DCLK2: variants seen among roughly 807,000 people sequenced by gnomAD.
The protein encoded by DCLK2 is serine/threonine-protein kinase DCLK2.
DCLK2 carries 31 observed loss-of-function variants against 78.4 expected under a neutral mutation model. The observed-to-expected ratio is 0.40, with a 90% CI of 0.30 to 0.53. DCLK2 has a LOEUF of 0.53. Among genes scored for constraint, DCLK2 ranks in the 20% least tolerant of loss-of-function variants. The pLI is 0.61. For missense variants in DCLK2, 872 were observed against 973.7 expected, an observed-to-expected ratio of 0.90 and a Z score of 1.39; for synonymous variants, 407 against 374.9, an observed-to-expected ratio of 1.09 and a Z score of -0.99.
At chr4:150,110,467 T>C (rs1356137987) in intron 2 of DCLK2, among the ~76,000 whole-genome samples, 1 of 58,164 alleles carries the variant, frequency 1.7e-5, no homozygotes, top group East Asian at 2.7e-4. Flanking sequence ...ATGTTAGTGC[T>C]TTTTTTTTTA....
At chr4:150,100,969 G>A (rs1730848007) in intron 1 of DCLK2, among the ~76,000 whole-genome samples, 1 of 151,962 alleles carries the variant, frequency 6.6e-6, no homozygotes, top group East Asian at 1.9e-4. Flanking sequence ...GCCATTCTTG[G>A]GGCCAGGCAT....
intron 3 of DCLK2, among the ~76,000 whole-genome samples, chr4:150,193,540 G>A (rs1306211116): frequency 6.6e-6 from 1 of 152,326 alleles, no homozygotes; most frequent in Non-Finnish European, 1.5e-5. Flanking sequence ...TTGCCACTGA[G>A]ATGTTCCATG....
Position 150,102,593 on chromosome 4 carries a change from T to G in DCLK2, c.537T>G (p.Ala179=), listed in dbSNP as rs766345205. Residue 179 remains alanine, a synonymous_variant, in exon 2 of 16, where the codon GCT becomes GCG. Transcript: ENST00000296550. The part of the protein sequence containing the change: ...IKGGTSRALA[A]ASSVKSEVKE... ...GTGGGACATCCCGAGCGCTGGCTGC[T>G]GCCTCCTCTGTGAAAAGTGAAGTAA... The G allele has an allele frequency of 4.3e-6, 7 of 1,614,086 alleles. No individual in the cohort carries two copies. Among genetic ancestry groups the G allele is most frequent in the Non-Finnish European group, 1.7e-6 (2 of 1,180,032 alleles).
intron 2 of DCLK2, among the ~76,000 whole-genome samples, chr4:150,179,287 C>A (rs893077951): frequency 6.6e-6 from 1 of 152,144 alleles, no homozygotes; most frequent in Admixed American, 6.5e-5. Flanking sequence ...CTCGGCCTCC[C>A]AAAGTGATGA....
At chr4:150,175,011 A>ATATATATATATATATATATAT (rs1553964170) in intron 2 of DCLK2, among the ~76,000 whole-genome samples, 1 of 9,974 alleles carries the variant, frequency 1.0e-4, no homozygotes, top group African/African-American at 2.6e-4. Flanking sequence ...AAAAAAAAAA[A>ATATATATATATATATATATAT]ATATATATAT....
intron 2 of DCLK2, among the ~76,000 whole-genome samples, chr4:150,192,511 C>T (rs1056145846): frequency 3.4e-5 from 5 of 148,118 alleles, no homozygotes; most frequent in African/African-American, 1.0e-4. Flanking sequence ...GAAATTGAGA[C>T]CACATATTTA....
intron 5 of DCLK2, among the ~76,000 whole-genome samples, chr4:150,208,283 GT>G (rs1740000190): frequency 6.6e-6 from 1 of 152,174 alleles, no homozygotes; most frequent in African/African-American, 2.4e-5. Flanking sequence ...GGTCATAAAA[GT>G]TTTGGTCATA....
At chr4:150,179,824 T>A (rs1211592420) in intron 2 of DCLK2, among the ~76,000 whole-genome samples, 1 of 152,308 alleles carries the variant, frequency 6.6e-6, no homozygotes, top group East Asian at 1.9e-4. Flanking sequence ...GGGTTTGTAA[T>A]TTGTTTTTAA....
chr4:150,210,816 C>CA (rs1426594933), intron 5 of DCLK2, among the ~76,000 whole-genome samples: 3 of 151,480 alleles, frequency 2.0e-5, no homozygotes, highest in African/African-American at 7.3e-5. Context: ...GGTGTGGTGG[C>CA]ATGTGCCCAT....
intron 1 of DCLK2, among the ~76,000 whole-genome samples, chr4:150,093,329 A>T (rs1190367920): frequency 6.6e-6 from 1 of 152,258 alleles, no homozygotes; most frequent in Non-Finnish European, 1.5e-5. Context: ...TAAAATTCCC[A>T]CATTTCCCAA....
At position 150,102,825 on chromosome 4, in the gene DCLK2, T is replaced by C. The variant is rs1730981517; in HGVS notation, c.756+13T>C. On this transcript the variant is annotated intron_variant, in intron 2 of 15. Coordinates refer to ENST00000296550, the MANE Select transcript of DCLK2 (RefSeq NM_001040260.4). Reference sequence around the variant, plus strand: ...GGATGGAAAGCAGGTAAGATGCTTCTAGCTCCCAGCTCTCCATCTGACTTT... The same window carrying C: ...GGATGGAAAGCAGGTAAGATGCTTCCAGCTCCCAGCTCTCCATCTGACTTT... 6.3e-7 allele frequency: 1 copy of C among 1,582,610 alleles called. No individual in the cohort carries two copies. The highest frequency in any genetic ancestry group is 2.2e-5 in the East Asian group (1 of 44,566).
At chr4:150,163,584 A>G (rs1735861439) in intron 2 of DCLK2, among the ~76,000 whole-genome samples, 1 of 152,144 alleles carries the variant, frequency 6.6e-6, no homozygotes, top group Non-Finnish European at 1.5e-5. Context: ...TTCCTTGTCT[A>G]TACTATGAAG....
intron 2 of DCLK2, among the ~76,000 whole-genome samples, chr4:150,110,368 T>C (rs1731585407): frequency 6.6e-6 from 1 of 152,218 alleles, no homozygotes; most frequent in South Asian, 2.1e-4. Flanking sequence ...ATTAATTTTG[T>C]TACATATGTA....
At chr4:150,115,061 T>G (rs1237349921) in intron 2 of DCLK2, among the ~76,000 whole-genome samples, 10 of 152,240 alleles carry the variant, frequency 6.6e-5, no homozygotes, top group Non-Finnish European at 1.2e-4. Context: ...ATCCTGTATT[T>G]TCTGGAGGCT....
chr4:150,190,169 C>A (rs994560344), intron 2 of DCLK2, among the ~76,000 whole-genome samples: 1 of 151,394 alleles, frequency 6.6e-6, no homozygotes, highest in Non-Finnish European at 1.5e-5. Context: ...TGCTACTGCA[C>A]CCTAGCCTGG....
At chr4:150,161,223 ATACAGGCTATCTT>A (rs1560822760) in intron 2 of DCLK2, among the ~76,000 whole-genome samples, 1 of 152,200 alleles carries the variant, frequency 6.6e-6, no homozygotes, top group Non-Finnish European at 1.5e-5. Context: ...AATTGCCCAG[ATACAGGCTATCTT>A]TTAACTCACA....
intron 5 of DCLK2, among the ~76,000 whole-genome samples, chr4:150,207,005 C>T (rs1739892599): frequency 1.3e-5 from 2 of 151,894 alleles, no homozygotes; most frequent in Non-Finnish European, 1.5e-5. Flanking sequence ...AGATAATTAC[C>T]GTGTGTTAGT....
At chr4:150,113,765 C>G (rs1233286202) in intron 2 of DCLK2, among the ~76,000 whole-genome samples, 2 of 141,742 alleles carry the variant, frequency 1.4e-5, no homozygotes, top group Non-Finnish European at 3.1e-5. Flanking sequence ...TTGCTCTGAT[C>G]TTTATTTTCT....
At chr4:150,228,130 G>C (rs185090664) in intron 8 of DCLK2, among the ~76,000 whole-genome samples, 248 of 152,006 alleles carry the variant, frequency 1.6e-3, no homozygotes, top group African/African-American at 5.9e-3. Context: ...GCTTCTCTAG[G>C]AACATTTGTA....
Sources: allele counts gnomAD v4.1 joint callset (sites outside exome capture counted in the v4.1 genomes callset), GRCh38; gene constraint gnomAD v4.1.1; transcripts MANE v1.5; gene names NCBI Gene and HGNC (gene_info 2026-07-23, HGNC 2026-07-21).